NR1H4: variants seen among roughly 807,000 people sequenced by gnomAD.
NR1H4 encodes the protein nuclear receptor subfamily 1 group H member 4, also known as bile acid receptor.
A neutral mutation model predicts 58.5 loss-of-function variants in NR1H4; 23 were observed. That is an observed-to-expected ratio of 0.39 (90% CI 0.28 to 0.56). The LOEUF (loss-of-function observed/expected upper bound fraction) is 0.56, where lower values mean the gene tolerates loss of function less well. Ranked by LOEUF, NR1H4 falls within the 20% of genes least tolerant of loss-of-function variation. The pLI is 0.58. For synonymous variants in NR1H4, 214 were observed against 198.0 expected (o/e 1.08, Z -0.68); for missense variants, 487 against 576.9 (o/e 0.84, Z 1.60).
chr12:100,555,325 T>A (rs751288654), intron 9 of NR1H4, among the ~76,000 whole-genome samples: 3 of 152,190 alleles, frequency 2.0e-5, no homozygotes, highest in Non-Finnish European at 2.9e-5. Flanking sequence ...AGATTGACAT[T>A]TTTTTGAAGA....
intron 1 of NR1H4, among the ~76,000 whole-genome samples, chr12:100,475,463 G>A (rs753839719): frequency 4.5e-4 from 68 of 152,186 alleles, no homozygotes; most frequent in Non-Finnish European, 7.6e-4. Context: ...TTCCCACCAC[G>A]TACCTCTGCC....
chr12:100,558,113 C>A (rs1955373163), intron 9 of NR1H4, among the ~76,000 whole-genome samples: 1 of 151,006 alleles, frequency 6.6e-6, no homozygotes, highest in Non-Finnish European at 1.5e-5. Context: ...ATAATCCCAG[C>A]ACTTTGGGAG....
intron 9 of NR1H4, among the ~76,000 whole-genome samples, chr12:100,561,431 C>G (rs933101867): frequency 1.3e-5 from 2 of 151,962 alleles, no homozygotes; most frequent in Admixed American, 6.6e-5. Context: ...AATAAAGAAC[C>G]CTGGCCCATT....
intron 1 of NR1H4, among the ~76,000 whole-genome samples, chr12:100,489,630 T>C (rs758614510): frequency 6.6e-6 from 1 of 152,142 alleles, no homozygotes; most frequent in Non-Finnish European, 1.5e-5. Flanking sequence ...CAGGCAATAG[T>C]TTACCAACTC....
At chr12:100,487,722 C>A (rs1026795927) in intron 1 of NR1H4, among the ~76,000 whole-genome samples, 1 of 151,574 alleles carries the variant, frequency 6.6e-6, no homozygotes, top group African/African-American at 2.4e-5. Context: ...AATGATTCTC[C>A]TGCCTCAGCC....
rs577992962 is a variant in NR1H4 at position 100,514,659 on chromosome 12, GA to G, written c.445+3520del. Among the ~76,000 whole-genome samples the G allele has an allele frequency of 8.2e-4, 125 of 152,288 alleles. 1 individual carries two copies. Among genetic ancestry groups the G allele is most frequent in the African/African-American group, 2.9e-3 (121 of 41,560 alleles). On this transcript the variant is annotated intron_variant, in intron 4 of 10. Coordinates refer to ENST00000392986, the MANE Select transcript of NR1H4 (RefSeq NM_001206979.2). ...GAATCACTGAGAGAGACTATTCAGTGAAAAGTATAATATAGAGCTTCTCAAA... is the reference window on the plus strand; with the variant it reads ...GAATCACTGAGAGAGACTATTCAGTGAAAGTATAATATAGAGCTTCTCAAA...
intron 1 of NR1H4, among the ~76,000 whole-genome samples, chr12:100,489,714 G>A (rs2136096416): frequency 6.6e-6 from 1 of 152,256 alleles, no homozygotes; most frequent in South Asian, 2.1e-4. Flanking sequence ...GATACACAAA[G>A]AATTAGCAAT....
chr12:100,548,856 T>C (rs1955141828), intron 9 of NR1H4, among the ~76,000 whole-genome samples: 1 of 152,164 alleles, frequency 6.6e-6, no homozygotes, highest in South Asian at 2.1e-4. Flanking sequence ...TAAAGAGTGC[T>C]TAAACAAGAT....
At chr12:100,556,870 G>A (rs893556033) in intron 9 of NR1H4, among the ~76,000 whole-genome samples, 4 of 152,156 alleles carry the variant, frequency 2.6e-5, no homozygotes, top group African/African-American at 4.8e-5. Flanking sequence ...AAATATCTAC[G>A]GAAGGGATGG....
intron 3 of NR1H4, among the ~76,000 whole-genome samples, chr12:100,510,287 T>C (rs945981625): frequency 1.3e-5 from 2 of 152,188 alleles, no homozygotes; most frequent in African/African-American, 4.8e-5. Flanking sequence ...CTGGAAAATA[T>C]TGACAAATTT....
chr12:100,555,472 C>CATGGTTTT (rs1257651109), intron 9 of NR1H4, among the ~76,000 whole-genome samples: 11 of 152,080 alleles, frequency 7.2e-5, no homozygotes, highest in African/African-American at 2.7e-4. Flanking sequence ...TTTTTTAAAA[C>CATGGTTTT]CTACATGGCT....
At chr12:100,553,190 G>A (rs1204283509) in intron 9 of NR1H4, among the ~76,000 whole-genome samples, 2 of 152,076 alleles carry the variant, frequency 1.3e-5, no homozygotes, top group African/African-American at 4.8e-5. Flanking sequence ...AGTAGAGATG[G>A]GGTTTCACCG....
At chr12:100,523,238 A>G (rs1482609570) in intron 4 of NR1H4, among the ~76,000 whole-genome samples, 1 of 152,170 alleles carries the variant, frequency 6.6e-6, no homozygotes, top group Non-Finnish European at 1.5e-5. Context: ...CTTTTTAAAA[A>G]TGGGCATTCT....
At chr12:100,482,838 G>A (rs1953409952) in intron 1 of NR1H4, among the ~76,000 whole-genome samples, 1 of 152,100 alleles carries the variant, frequency 6.6e-6, no homozygotes, top group African/African-American at 2.4e-5. Context: ...GGAAATAAAG[G>A]TCAGCTGTTG....
At chr12:100,510,607 T>TTATATATATATATATATATATA (rs34480475) in intron 3 of NR1H4, among the ~76,000 whole-genome samples, 171 bp from the exon 4 acceptor site, 64 of 133,662 alleles carry the variant, frequency 4.8e-4, no homozygotes, top group African/African-American at 1.5e-3. Context: ...TCATTTAATT[T>TTATATATATATATATATATATA]TATATATATA....
chr12:100,524,623 G>A (rs1378384057), intron 4 of NR1H4, among the ~76,000 whole-genome samples: 1 of 152,040 alleles, frequency 6.6e-6, no homozygotes, highest in Admixed American at 6.5e-5. Flanking sequence ...CACTTAATAA[G>A]CATTTTGTCA....
chr12:100,510,916 AC>A lies in NR1H4; in HGVS notation c.223del (p.Gln75SerfsTer29). ...SSSYYSNLGF[Y>X]PQQPEEWYSP... is the part of the protein sequence containing the mutation. Reference sequence around the variant, plus strand: ...TCCTATTATTCCAACCTGGGTTTCTACCCCCAGCAGCCTGAAGAGTGGTACT... The same window carrying A: ...TCCTATTATTCCAACCTGGGTTTCTACCCCAGCAGCCTGAAGAGTGGTACT... On this transcript the variant is annotated frameshift_variant, in exon 4 of 11. Transcript: ENST00000392986. LOFTEE classifies it high-confidence loss of function. 6.2e-7 allele frequency: 1 copy of A among 1,614,018 alleles called. No homozygotes were observed. Among genetic ancestry groups the A allele is most frequent in the Middle Eastern group, 1.6e-4 (1 of 6,062 alleles).
At chr12:100,479,921 A>G (rs79102750) in intron 1 of NR1H4, among the ~76,000 whole-genome samples, 3,081 of 152,288 alleles carry the variant, frequency 0.02, 47 homozygotes, top group Non-Finnish European at 0.035. Context: ...TCGAATGTCC[A>G]CTTTTCAGAG....
intron 9 of NR1H4, among the ~76,000 whole-genome samples, chr12:100,545,691 G>C: frequency 6.8e-6 from 1 of 146,774 alleles, no homozygotes; most frequent in Non-Finnish European, 1.5e-5. Flanking sequence ...GCATATATGC[G>C]TAATGTCTGG....
Sources: allele counts gnomAD v4.1 joint callset (sites outside exome capture counted in the v4.1 genomes callset), GRCh38; gene constraint gnomAD v4.1.1; transcripts MANE v1.5; gene names NCBI Gene and HGNC (gene_info 2026-07-23, HGNC 2026-07-21).